SUCO: variants seen among roughly 807,000 people sequenced by gnomAD.
The protein encoded by SUCO is SUN domain containing ossification factor.
Under a neutral mutation model 148.1 loss-of-function variants are expected in SUCO, and 57 were observed. The ratio of observed to expected loss-of-function variants is 0.38; its 90% CI spans 0.31 to 0.48. The LOEUF is 0.48. Among genes scored for constraint, SUCO ranks in the 20% least tolerant of loss-of-function variants. The probability of loss-of-function intolerance (pLI) is 0.96; values close to 1 mark genes in which losing one functional copy is unlikely to be tolerated. For missense variants in SUCO, 1,331 were observed against 1,468.2 expected, an observed-to-expected ratio of 0.91 and a Z score of 1.53; for synonymous variants, 470 against 502.7, an observed-to-expected ratio of 0.93 and a Z score of 0.87.
At chr1:172,545,436 A>G (rs1652784078) in intron 1 of SUCO, among the ~76,000 whole-genome samples, 1 of 152,224 alleles carries the variant, frequency 6.6e-6, no homozygotes, top group South Asian at 2.1e-4. Context: ...CAGAATTTAA[A>G]TAGTGAACAG....
intron 16 of SUCO, among the ~76,000 whole-genome samples, chr1:172,585,562 CT>C (rs1656181610): frequency 6.6e-6 from 1 of 151,906 alleles, no homozygotes; most frequent in African/African-American, 2.4e-5. Flanking sequence ...CATTTATTTC[CT>C]CTCATTTAAC....
At chr1:172,546,954 G>GT (rs1473702617) in intron 1 of SUCO, among the ~76,000 whole-genome samples, 2 of 152,130 alleles carry the variant, frequency 1.3e-5, no homozygotes, top group Non-Finnish European at 2.9e-5. Flanking sequence ...TAACTGTATA[G>GT]TTGGATCAGT....
chr1:172,550,521 C>T (rs909329013), intron 1 of SUCO, among the ~76,000 whole-genome samples: 6 of 152,030 alleles, frequency 3.9e-5, no homozygotes, highest in African/African-American at 1.4e-4. Flanking sequence ...ATTATATAAA[C>T]TCATCTGCAG....
At chr1:172,595,686 C>G (rs1160205728) in intron 19 of SUCO, among the ~76,000 whole-genome samples, 1 of 152,164 alleles carries the variant, frequency 6.6e-6, no homozygotes, top group Non-Finnish European at 1.5e-5. Flanking sequence ...GTAACCCGAC[C>G]TTTCTCTCTG....
intron 1 of SUCO, among the ~76,000 whole-genome samples, chr1:172,534,207 T>G (rs1454707980): frequency 6.6e-6 from 1 of 152,116 alleles, no homozygotes; most frequent in Non-Finnish European, 1.5e-5. Context: ...ACTCCTTAAG[T>G]TTTACGGAGT....
intron 6 of SUCO, among the ~76,000 whole-genome samples, 170 bp downstream of exon 6, chr1:172,557,964 T>C (rs1356816721): frequency 6.6e-6 from 1 of 152,216 alleles, no homozygotes; most frequent in Non-Finnish European, 1.5e-5. Context: ...AGTGATTCTG[T>C]TTCCATTATA....
intron 10 of SUCO, among the ~76,000 whole-genome samples, chr1:172,574,253 A>T (rs1295498326): frequency 6.6e-6 from 1 of 152,180 alleles, no homozygotes; most frequent in Admixed American, 6.5e-5. Context: ...AAAAGGGGAG[A>T]TTAAGTGCCT....
intron 22 of SUCO, among the ~76,000 whole-genome samples, chr1:172,606,002 AT>A (rs534028949): frequency 1.5e-4 from 22 of 151,462 alleles, no homozygotes; most frequent in South Asian, 6.2e-4. Context: ...TATTCTATAA[AT>A]TTTTTTATAT....
intron 8 of SUCO, 96 bp from the exon 9 acceptor site, chr1:172,570,567 T>TAA: frequency 1.2e-6 from 1 of 833,172 alleles, no homozygotes; most frequent in Non-Finnish European, 1.9e-6. Flanking sequence ...ACTTAAGATC[T>TAA]AAAAATACAG....
upstream of SUCO, chr1:172,533,055 G>A: frequency 7.0e-7 from 1 of 1,430,200 alleles, no homozygotes; most frequent in East Asian, 2.6e-5. Context: ...GTGAGGTGTC[G>A]CGGCCCCGCC....
intron 21 of SUCO, 106 bp downstream of exon 21, chr1:172,602,324 ATATGAT>A: frequency 1.4e-6 from 2 of 1,388,614 alleles, no homozygotes. Context: ...TTCTTTCCCT[ATATGAT>A]TATCTTGAAA....
chr1:172,542,851 G>A, intron 1 of SUCO: 1 of 985,390 alleles, frequency 1.0e-6, no homozygotes. Context: ...ATTTAAGGAA[G>A]TCATTTAAGT....
At chr1:172,602,556 T>C in intron 21 of SUCO, 140 bp from the exon 22 acceptor site, 3 of 1,446,902 alleles carry the variant, frequency 2.1e-6, no homozygotes, top group Non-Finnish European at 2.7e-6. Flanking sequence ...TTTCCACCTG[T>C]ATTAGCAATA....
chr1:172,557,128 A>G (rs568673404), intron 4 of SUCO, 152 bp from the exon 5 acceptor site: 2 of 1,393,986 alleles, frequency 1.4e-6, no homozygotes, highest in South Asian at 1.7e-5. Context: ...GCTGAGGACA[A>G]TAACAGATCA....
chr1:172,560,951 C>T (rs949611428), intron 6 of SUCO, among the ~76,000 whole-genome samples: 16 of 152,190 alleles, frequency 1.1e-4, no homozygotes, highest in East Asian at 1.9e-4. Flanking sequence ...GAGATACTTT[C>T]CCCCTATTCT....
intron 1 of SUCO, among the ~76,000 whole-genome samples, chr1:172,539,764 G>C (rs1652307399): frequency 6.6e-6 from 1 of 152,138 alleles, no homozygotes; most frequent in African/African-American, 2.4e-5. Flanking sequence ...GTAATTTGTT[G>C]AGTAGAAATA....
intron 11 of SUCO, among the ~76,000 whole-genome samples, chr1:172,576,086 G>A (rs900130532): frequency 4.6e-5 from 7 of 151,888 alleles, no homozygotes; most frequent in South Asian, 2.1e-4. Context: ...GAAATATTCT[G>A]TGTCCAAGTA....
At chr1:172,555,534 A>G (rs1403321429) in intron 3 of SUCO, among the ~76,000 whole-genome samples, 2 of 152,178 alleles carry the variant, frequency 1.3e-5, no homozygotes. Flanking sequence ...TGTTTTGTAC[A>G]TGTCCATAGG....
chr1:172,581,004 G>T (rs539468597), intron 15 of SUCO, among the ~76,000 whole-genome samples: 1 of 151,960 alleles, frequency 6.6e-6, no homozygotes, highest in African/African-American at 2.4e-5. Flanking sequence ...CAGAGCTGAC[G>T]CAGGAGAATC....
Sources: allele counts gnomAD v4.1 joint callset (sites outside exome capture counted in the v4.1 genomes callset), GRCh38; gene constraint gnomAD v4.1.1; transcripts MANE v1.5; gene names NCBI Gene and HGNC (gene_info 2026-07-23, HGNC 2026-07-21).